The following METTL22 variants were observed in gnomAD, a reference collection of about 807,000 sequenced individuals.
METTL22 encodes the protein methyltransferase-like protein 22.
Under a neutral mutation model 48.4 loss-of-function variants are expected in METTL22, and 51 were observed. The observed-to-expected ratio is 1.05, with a 90% CI of 0.84 to 1.33. METTL22 has a LOEUF of 1.33. METTL22 is among the 40% of genes most tolerant of loss of function. The probability of loss-of-function intolerance (pLI) is 0.00; values close to 1 mark genes in which losing one functional copy is unlikely to be tolerated. For synonymous variants in METTL22, 255 were observed against 214.1 expected, an observed-to-expected ratio of 1.19 and a Z score of -1.67; for missense variants, 678 against 526.9, an observed-to-expected ratio of 1.29 and a Z score of -2.81.
At chr16:8,624,675 G>A (rs552559180) in intron 1 of METTL22, among the ~76,000 whole-genome samples, 1 of 152,072 alleles carries the variant, frequency 6.6e-6, no homozygotes, top group South Asian at 2.1e-4. Flanking sequence ...AGACCAGCCT[G>A]GGAAACATAG....
chr16:8,636,420 C>T (rs1731042), intron 5 of METTL22, among the ~76,000 whole-genome samples: 149,639 of 151,528 alleles, frequency 0.99, 73,921 homozygotes, highest in Middle Eastern at 1. Context: ...CACCTGTAAT[C>T]CCAGCTACTT....
intron 3 of METTL22, among the ~76,000 whole-genome samples, chr16:8,630,091 G>C (rs571286562): frequency 3.7e-4 from 57 of 152,116 alleles, no homozygotes; most frequent in Non-Finnish European, 7.2e-4. Flanking sequence ...ATGGTGTCTT[G>C]AGTTCCCAGG....
the METTL22 span, among the ~76,000 whole-genome samples, chr16:8,661,361 C>G: frequency 6.6e-6 from 1 of 151,864 alleles, no homozygotes; most frequent in Non-Finnish European, 1.5e-5. Context: ...AAGAACTTAC[C>G]GTTGGCCGGG....
At chr16:8,666,809 G>T in the METTL22 span, 1 of 138,462 alleles carries the variant, frequency 7.2e-6, no homozygotes, top group Non-Finnish European at 1.5e-5. Context: ...TCTTTGAGAT[G>T]GAGTTTTGTT....
At chr16:8,641,654 T>C (rs77183497) in intron 7 of METTL22, 15 of 362,242 alleles carry the variant, frequency 4.1e-5, no homozygotes, top group South Asian at 1.5e-4. Flanking sequence ...TTTTTTTTTT[T>C]CCCTGTCAGA....
chr16:8,647,117 G>A lies in METTL22; in HGVS notation c.*974G>A, dbSNP rs556753281. The A allele has an allele frequency of 5.8e-5, 13 of 224,444 alleles. No homozygotes were observed. The East Asian group carries it at 1.4e-3, about 25-fold the overall frequency. The allele number at this position is 224,444 out of a possible 1,614,324, so 13.9% of individuals were successfully genotyped here. A position where few individuals can be genotyped will look rare whatever the true frequency, so the allele number is the denominator to read the frequency against. On this transcript the variant is annotated 3_prime_UTR_variant, in exon 11 of 11. Transcript: ENST00000381920. ...AGCTCAGGTTTCCTGGCTTCTCCAT[G>A]CACTGTCCCTGCCCACACTCGCTTC...
At chr16:8,634,893 G>A (rs923396221) in intron 3 of METTL22, 146 bp from the exon 4 acceptor site, 23 of 1,009,498 alleles carry the variant, frequency 2.3e-5, no homozygotes, top group Non-Finnish European at 3.4e-5. Context: ...AGCACAGCCT[G>A]TGTTTCTGCT....
the METTL22 span, among the ~76,000 whole-genome samples, chr16:8,664,836 A>G: frequency 1.3e-5 from 2 of 150,768 alleles, no homozygotes; most frequent in African/African-American, 4.9e-5. Flanking sequence ...CTTTCATGCA[A>G]AGATCCTTAT....
At chr16:8,652,090 G>A (rs1181176056), downstream of METTL22, among the ~76,000 whole-genome samples, 2 of 152,132 alleles carry the variant, frequency 1.3e-5, no homozygotes, top group Non-Finnish European at 2.9e-5. Flanking sequence ...ACTTCCACGG[G>A]CTGCCAGTTG....
At position 8,640,979 on chromosome 16, in the gene METTL22, T is replaced by TGTCTGGCA. The variant is rs1263036764; in HGVS notation, c.773-151_773-150insTCTGGCAG. On this transcript the variant is annotated intron_variant, in intron 6 of 10. Coordinates refer to ENST00000381920, the MANE Select transcript of METTL22 (RefSeq NM_024109.4). ...ATGGCTGGCTGGCTGGCTGGCTGGCTGGCTGTAAAGATGGAAGGGCAGGAA... is the reference window on the plus strand; with the variant it reads ...ATGGCTGGCTGGCTGGCTGGCTGGCTGTCTGGCAGGCTGTAAAGATGGAAGGGCAGGAA... 6.2e-5 allele frequency: 41 copies of TGTCTGGCA among 659,996 alleles called. No individual in the cohort carries two copies. The Middle Eastern group carries it at 7.9e-4, about 13-fold the overall frequency. The allele number at this position is 659,996 out of a possible 1,614,324, so 40.9% of individuals were successfully genotyped here.
At position 8,625,736 on chromosome 16, in the gene METTL22, T is replaced by A. The variant is rs1366723051; in HGVS notation, c.71T>A (p.Val24Asp). The change falls in exon 2 of 11, where the codon GTC (valine) becomes GAC (aspartate). Residue 24 changes from valine (V) to aspartate (D), a missense_variant. By Grantham distance (152) the Val-to-Asp change is radical. Transcript: ENST00000381920. ...AGGAGCGACACTGTGCTGTCAGATG[T>A]CCACCTCTATACCCCGAACCATAGA... is the stretch of plus-strand genomic sequence containing the variant. ...TFRSDTVLSDVHLYTPNHRHL... is the reference protein window; with the variant it reads ...TFRSDTVLSDDHLYTPNHRHL... 1 of 1,614,056 alleles carries A rather than the reference T, an allele frequency of 6.2e-7. No homozygotes were observed. Among genetic ancestry groups the A allele is most frequent in the Non-Finnish European group, 8.5e-7 (1 of 1,180,032 alleles).
rs571319884 is a variant in METTL22 at position 8,631,000 on chromosome 16, A to G, written c.514+1890A>G. Among the ~76,000 whole-genome samples the G allele has an allele frequency of 5.4e-4, 82 of 152,350 alleles. 1 individual carries two copies. Among genetic ancestry groups the G allele is most frequent in the Non-Finnish European group, 1.0e-3 (69 of 68,038 alleles). On this transcript the variant is annotated intron_variant, in intron 3 of 10. Coordinates refer to ENST00000381920, the MANE Select transcript of METTL22 (RefSeq NM_024109.4). Reference sequence around the variant, plus strand: ...ACAAATGTCTTACCCACTCAGAACCACATGGTCAGAACCACGTGATCAGGG... The same window carrying G: ...ACAAATGTCTTACCCACTCAGAACCGCATGGTCAGAACCACGTGATCAGGG...
At chr16:8,624,589 G>C (rs1296614282) in intron 1 of METTL22, among the ~76,000 whole-genome samples, 1 of 152,026 alleles carries the variant, frequency 6.6e-6, no homozygotes, top group Non-Finnish European at 1.5e-5. Flanking sequence ...CTTTAAGCCA[G>C]GCATGATGGC....
intron 5 of METTL22, among the ~76,000 whole-genome samples, chr16:8,638,396 G>T (rs925022649): frequency 1.3e-5 from 2 of 152,296 alleles, no homozygotes; most frequent in South Asian, 2.1e-4. Context: ...CTAATTAGAA[G>T]TTTATTTTTG....
At chr16:8,666,316 T>A in the METTL22 span, among the ~76,000 whole-genome samples, 2 of 152,200 alleles carry the variant, frequency 1.3e-5, no homozygotes, top group Admixed American at 1.3e-4. Flanking sequence ...GGAACGGAGC[T>A]GCAGTCACCC....
chr16:8,645,920 A>G (rs1463095457), intron 10 of METTL22, 188 bp from the exon 11 acceptor site: 2 of 957,372 alleles, frequency 2.1e-6, no homozygotes, highest in Non-Finnish European at 2.4e-6. Context: ...TCTCTGCCAC[A>G]GTAAAATAGA....
Position 8,646,316 on chromosome 16 carries a change from T to C in METTL22, c.*173T>C, listed in dbSNP as rs1475769447. 1 of 825,658 alleles carries C rather than the reference T, an allele frequency of 1.2e-6. No individual in the cohort carries two copies. The highest frequency in any genetic ancestry group is 2.2e-4 in the Middle Eastern group (1 of 4,604). The allele number at this position is 825,658 out of a possible 1,614,324, so 51.1% of individuals were successfully genotyped here. A position where few individuals can be genotyped will look rare whatever the true frequency, so the allele number is the denominator to read the frequency against. On this transcript the variant is annotated 3_prime_UTR_variant, in exon 11 of 11. Transcript: ENST00000381920. ...GGGGTCTGTCCCTGCCTCCCAGTTGTAGCCAGAGAAGGTTGTTGCTGTGGG... is the reference window on the plus strand; with the variant it reads ...GGGGTCTGTCCCTGCCTCCCAGTTGCAGCCAGAGAAGGTTGTTGCTGTGGG...
chr16:8,656,885 A>G, the METTL22 span, among the ~76,000 whole-genome samples: 1 of 152,276 alleles, frequency 6.6e-6, no homozygotes, highest in Non-Finnish European at 1.5e-5. Context: ...AGAAGGCGCC[A>G]CATGGTAGAA....
At chr16:8,663,142 G>T in the METTL22 span, among the ~76,000 whole-genome samples, 10 of 142,602 alleles carry the variant, frequency 7.0e-5, no homozygotes, top group Non-Finnish European at 1.2e-4. Context: ...GGAGGCAGAG[G>T]TTACAGTGAG....
Sources: gnomAD v4.1 joint callset for allele counts (sites outside exome capture counted in the v4.1 genomes callset) on GRCh38, gnomAD v4.1.1 for gene constraint, MANE v1.5 for transcripts, NCBI Gene and HGNC (gene_info 2026-07-23, HGNC 2026-07-21) for gene names.